LARGE1: variants seen among roughly 807,000 people sequenced by gnomAD.
LARGE1 encodes the protein LARGE xylosyl- and glucuronyltransferase 1.
Under a neutral mutation model 87.6 loss-of-function variants are expected in LARGE1, and 43 were observed. The ratio of observed to expected loss-of-function variants is 0.49; its 90% CI spans 0.38 to 0.63. The LOEUF is 0.63. Among genes scored for constraint, LARGE1 ranks in the 30% least tolerant of loss-of-function variants. LARGE1 has a pLI of 0.00. For synonymous variants in LARGE1, 434 were observed against 394.6 expected, an observed-to-expected ratio of 1.10 and a Z score of -1.18; for missense variants, 802 against 1,000.2, an observed-to-expected ratio of 0.80 and a Z score of 2.67.
chr22:33,239,095 C>G (rs1156969433), intron 11 of LARGE1, among the ~76,000 whole-genome samples: 1 of 144,064 alleles, frequency 6.9e-6, no homozygotes, highest in Non-Finnish European at 1.5e-5. Flanking sequence ...CAAAAATTAA[C>G]CTTATTAGGA....
chr22:33,791,393 TATA>T (rs2085819910), intron 1 of LARGE1, among the ~76,000 whole-genome samples: 1 of 152,194 alleles, frequency 6.6e-6, no homozygotes, highest in African/African-American at 2.4e-5. Context: ...TTCCATGGAT[TATA>T]ATATGGCACA....
intron 3 of LARGE1, among the ~76,000 whole-genome samples, chr22:33,642,048 T>A (rs2080450964): frequency 6.6e-6 from 1 of 152,008 alleles, no homozygotes; most frequent in African/African-American, 2.4e-5. Flanking sequence ...AAAGATAGTC[T>A]TCCAGAAAGG....
intron 3 of LARGE1, among the ~76,000 whole-genome samples, chr22:33,640,075 G>A (rs1480263603): frequency 6.6e-6 from 1 of 152,168 alleles, no homozygotes; most frequent in Admixed American, 6.5e-5. Context: ...CTGGTTACGT[G>A]GCCCTGCACC....
chr22:33,407,917 T>C (rs956936526), intron 7 of LARGE1, among the ~76,000 whole-genome samples: 4 of 152,142 alleles, frequency 2.6e-5, no homozygotes, highest in Admixed American at 6.5e-5. Context: ...GAATTAAATA[T>C]TGTAATGGGA....
chr22:33,861,343 C>T (rs1037636172), intron 1 of LARGE1, among the ~76,000 whole-genome samples: 2 of 152,134 alleles, frequency 1.3e-5, no homozygotes, highest in Non-Finnish European at 2.9e-5. Context: ...GGACCAAGCA[C>T]TGCAACTCGG....
At chr22:33,375,532 G>C (rs1220771271) in intron 9 of LARGE1, among the ~76,000 whole-genome samples, 1 of 152,060 alleles carries the variant, frequency 6.6e-6, no homozygotes, top group East Asian at 1.9e-4. Context: ...GGATACAATG[G>C]CAACAATTGG....
At chr22:33,340,812 C>G (rs1362096585) in intron 9 of LARGE1, among the ~76,000 whole-genome samples, 1 of 151,878 alleles carries the variant, frequency 6.6e-6, no homozygotes, top group African/African-American at 2.4e-5. Context: ...AAGTGACTTG[C>G]CTATGGCCAC....
At chr22:33,372,817 G>T (rs949291656) in intron 9 of LARGE1, among the ~76,000 whole-genome samples, 4 of 152,164 alleles carry the variant, frequency 2.6e-5, no homozygotes, top group African/African-American at 9.7e-5. Flanking sequence ...ATTTTGTCCA[G>T]TTCAGAGGTT....
chr22:33,479,509 T>A (rs551725781), intron 6 of LARGE1, among the ~76,000 whole-genome samples: 44 of 152,320 alleles, frequency 2.9e-4, no homozygotes, highest in African/African-American at 1.1e-3. Context: ...TCAACAGGAC[T>A]AGAACAGTGC....
rs148197078 is a variant in LARGE1 at position 33,476,466 on chromosome 22, A to T, written c.788-44201T>A. 2.8e-3 allele frequency among the ~76,000 whole-genome samples: 429 copies of T among 152,304 alleles called. 2 individuals are homozygous for T. Among genetic ancestry groups the T allele is most frequent in the Middle Eastern group, 0.024 (7 of 294 alleles). On this transcript the variant is annotated intron_variant, in intron 6 of 14. Transcript: ENST00000397394. Reference sequence around the variant, plus strand: ...TGGACCAAACCAATGCACATCTTATACATATTGACTGATGCATCACGTCTC... The same window carrying T: ...TGGACCAAACCAATGCACATCTTATTCATATTGACTGATGCATCACGTCTC...
chr22:33,385,055 C>T (rs2065277276), intron 7 of LARGE1, among the ~76,000 whole-genome samples: 1 of 148,494 alleles, frequency 6.7e-6, no homozygotes, highest in Non-Finnish European at 1.5e-5. Context: ...TCTTTTTGGC[C>T]CATCCACGCT....
chr22:33,286,616 C>T (rs748319343), intron 12 of LARGE1, among the ~76,000 whole-genome samples: 16 of 152,216 alleles, frequency 1.1e-4, no homozygotes, highest in Non-Finnish European at 2.1e-4. Context: ...TCTCTCTAAA[C>T]TGGGGCCCCA....
intron 7 of LARGE1, among the ~76,000 whole-genome samples, chr22:33,388,644 T>C (rs2065409433): frequency 6.6e-6 from 1 of 152,122 alleles, no homozygotes; most frequent in Non-Finnish European, 1.5e-5. Flanking sequence ...CGGCTCACTG[T>C]AACCTCTGCC....
At chr22:33,409,215 G>C (rs868809121) in intron 7 of LARGE1, among the ~76,000 whole-genome samples, 28 of 152,154 alleles carry the variant, frequency 1.8e-4, no homozygotes, top group African/African-American at 6.8e-4. Flanking sequence ...GATGCGGCAG[G>C]CAAGGGCTCA....
intron 11 of LARGE1, among the ~76,000 whole-genome samples, chr22:33,224,651 C>T (rs1925641115): frequency 6.6e-6 from 1 of 152,186 alleles, no homozygotes; most frequent in South Asian, 2.1e-4. Flanking sequence ...TCCACCGTGA[C>T]CTAAACCGAG....
chr22:33,082,040 G>A, the LARGE1 span, among the ~76,000 whole-genome samples: 1 of 152,054 alleles, frequency 6.6e-6, no homozygotes, highest in Non-Finnish European at 1.5e-5. Context: ...TTATTATTAG[G>A]TGTAGGGTCT....
chr22:33,334,460 T>C (rs1011790845), intron 10 of LARGE1, among the ~76,000 whole-genome samples: 2 of 149,620 alleles, frequency 1.3e-5, no homozygotes, highest in African/African-American at 4.9e-5. Flanking sequence ...AAACAGGGCA[T>C]GTCATAGACA....
intron 11 of LARGE1, among the ~76,000 whole-genome samples, chr22:33,236,061 A>C (rs1276017418): frequency 1.3e-5 from 2 of 152,184 alleles, no homozygotes; most frequent in African/African-American, 4.8e-5. Flanking sequence ...CTTTAAGTCG[A>C]GGAACACCAA....
chr22:33,440,136 G>C (rs996154238), intron 6 of LARGE1, among the ~76,000 whole-genome samples: 1 of 152,124 alleles, frequency 6.6e-6, no homozygotes, highest in Non-Finnish European at 1.5e-5. Context: ...CTGCTTCCTT[G>C]ATTAAAAAGC....
Sources: gnomAD v4.1 joint callset for allele counts (sites outside exome capture counted in the v4.1 genomes callset) on GRCh38, gnomAD v4.1.1 for gene constraint, MANE v1.5 for transcripts, NCBI Gene and HGNC (gene_info 2026-07-23, HGNC 2026-07-21) for gene names.